Variants in CRIM1 observed in about 807,000 individuals in gnomAD.
CRIM1 encodes the protein cysteine-rich motor neuron 1 protein.
In CRIM1, 32 loss-of-function variants were observed where a neutral mutation model predicts 116.4. That is an observed-to-expected ratio of 0.27 (90% CI 0.21 to 0.37). The LOEUF (loss-of-function observed/expected upper bound fraction) is 0.37, where lower values mean the gene tolerates loss of function less well. Among genes scored for constraint, CRIM1 ranks in the 10% least tolerant of loss-of-function variants. The pLI is 1.00. For missense variants in CRIM1, 1,331 were observed against 1,354.8 expected, an observed-to-expected ratio of 0.98 and a Z score of 0.28; for synonymous variants, 590 against 509.2, an observed-to-expected ratio of 1.16 and a Z score of -2.13.
At chr2:36,465,049 T>A (rs1677892091) in intron 5 of CRIM1, among the ~76,000 whole-genome samples, 1 of 152,182 alleles carries the variant, frequency 6.6e-6, no homozygotes, top group Admixed American at 6.5e-5. Flanking sequence ...CTGCCACACT[T>A]GGGAACAAGA....
intron 7 of CRIM1, among the ~76,000 whole-genome samples, chr2:36,480,893 GA>G (rs971031994): frequency 2.0e-5 from 3 of 150,914 alleles, no homozygotes; most frequent in Non-Finnish European, 3.0e-5. Context: ...TTTCAGTGCT[GA>G]AAAAAAAAGA....
intron 1 of CRIM1, among the ~76,000 whole-genome samples, chr2:36,363,416 TCA>T (rs1669362751): frequency 6.6e-6 from 1 of 151,900 alleles, no homozygotes; most frequent in African/African-American, 2.4e-5. Flanking sequence ...TTACTTGGGC[TCA>T]GTCTCTTGTT....
At chr2:36,522,990 T>A (rs1334775881) in intron 13 of CRIM1, among the ~76,000 whole-genome samples, 1 of 148,818 alleles carries the variant, frequency 6.7e-6, no homozygotes, top group Non-Finnish European at 1.5e-5. Context: ...ATTCTCACTC[T>A]GTCACCCAGG....
chr2:36,471,808 C>T (rs982184028), intron 5 of CRIM1, among the ~76,000 whole-genome samples: 13 of 151,958 alleles, frequency 8.6e-5, no homozygotes, highest in African/African-American at 2.9e-4. Flanking sequence ...CATCCTAGGC[C>T]TCATGTGGCC....
chr2:36,469,888 C>T (rs1034609472), intron 5 of CRIM1, among the ~76,000 whole-genome samples: 3 of 152,100 alleles, frequency 2.0e-5, no homozygotes, highest in African/African-American at 7.2e-5. Flanking sequence ...AAGGGTTGTT[C>T]TCTTCCCCTT....
intron 2 of CRIM1, among the ~76,000 whole-genome samples, chr2:36,404,920 G>A (rs1672674321): frequency 6.6e-6 from 1 of 151,980 alleles, no homozygotes; most frequent in South Asian, 2.1e-4. Flanking sequence ...TCCATTTTTA[G>A]TTTTTTACAT....
At chr2:36,446,728 A>G (rs1676269814) in intron 4 of CRIM1, among the ~76,000 whole-genome samples, 1 of 152,006 alleles carries the variant, frequency 6.6e-6, no homozygotes, top group Non-Finnish European at 1.5e-5. Context: ...GATATGAGTT[A>G]TATGGCAGTG....
intron 7 of CRIM1, among the ~76,000 whole-genome samples, chr2:36,481,912 G>A (rs758864110): frequency 2.0e-5 from 3 of 152,162 alleles, no homozygotes; most frequent in Admixed American, 6.5e-5. Context: ...GGCAGTCAGC[G>A]GAGGCAAGGG....
At chr2:36,365,337 G>T (rs1669519166) in intron 1 of CRIM1, among the ~76,000 whole-genome samples, 1 of 152,170 alleles carries the variant, frequency 6.6e-6, no homozygotes, top group Non-Finnish European at 1.5e-5. Context: ...TCCTTTTATT[G>T]TTAGAACTTT....
chr2:36,441,485 T>G lies in CRIM1; in HGVS notation c.733T>G (p.Tyr245Asp), dbSNP rs201740264. The change falls in exon 3 of 17, where the codon TAT becomes GAT. Residue 245 changes from tyrosine to aspartate, a missense_variant. By Grantham distance (160) the Tyr-to-Asp change is radical. Coordinates refer to ENST00000280527, the MANE Select transcript of CRIM1 (RefSeq NM_016441.3). ...SGKPGECCDL[Y>D]ECKPVFGVDC... ...GAAGCCGGGAGAGTGCTGTGACCTC[T>G]ATGAGTGCAAACCAGGTATGCACGA... 1 of 1,611,296 alleles carries G rather than the reference T, an allele frequency of 6.2e-7. No homozygotes were observed. The highest frequency in any genetic ancestry group is 8.5e-7 in the Non-Finnish European group (1 of 1,180,004).
At chr2:36,505,272 C>G (rs142633225) in intron 8 of CRIM1, among the ~76,000 whole-genome samples, 31 of 152,284 alleles carry the variant, frequency 2.0e-4, no homozygotes, top group African/African-American at 7.0e-4. Flanking sequence ...CACTTAACAT[C>G]CTCTGTAGAT....
chr2:36,510,786 G>C (rs1167438433), intron 9 of CRIM1, among the ~76,000 whole-genome samples: 1 of 152,070 alleles, frequency 6.6e-6, no homozygotes, highest in Non-Finnish European at 1.5e-5. Context: ...GTCTGTATAA[G>C]CACCTATATT....
At chr2:36,412,751 T>G (rs1053061578) in intron 2 of CRIM1, among the ~76,000 whole-genome samples, 31 of 152,222 alleles carry the variant, frequency 2.0e-4, no homozygotes, top group African/African-American at 7.2e-4. Flanking sequence ...ATCTTAAATT[T>G]GGTATACAAA....
chr2:36,386,275 G>A (rs1185016550), intron 1 of CRIM1, among the ~76,000 whole-genome samples: 1 of 152,188 alleles, frequency 6.6e-6, no homozygotes. Context: ...GTGGCAGGAA[G>A]GGAGATTAAA....
At chr2:36,532,089 A>C (rs1170528637) in intron 13 of CRIM1, 3 of 423,158 alleles carry the variant, frequency 7.1e-6, no homozygotes, top group Non-Finnish European at 1.4e-5. Flanking sequence ...GCTGAGAAAA[A>C]TAAGTAGCGA....
rs138252009 is a variant in CRIM1 at position 36,441,285 on chromosome 2, G to A, written c.533G>A (p.Arg178His). The change falls in exon 3 of 17, where the codon CGC becomes CAC. Residue 178 changes from arginine to histidine, a missense_variant. This residue lies in a region of CRIM1 where 690 missense variants were observed against 676.0 expected (regional missense o/e 1.02). Coordinates refer to ENST00000280527, the MANE Select transcript of CRIM1 (RefSeq NM_016441.3). ...GAGAAGCCAGATTGCTCCAAGGCCCGCTGTGAAGTCCAGTTCTCTCCACGT... is the reference window on the plus strand; with the variant it reads ...GAGAAGCCAGATTGCTCCAAGGCCCACTGTGAAGTCCAGTTCTCTCCACGT... The part of the protein sequence containing the change: ...EEEKPDCSKA[R>H]CEVQFSPRCP... 7.4e-6 allele frequency: 12 copies of A among 1,614,058 alleles called. No individual in the cohort carries two copies. Among genetic ancestry groups the A allele is most frequent in the Admixed American group, 3.3e-5 (2 of 60,010 alleles).
Position 36,475,665 on chromosome 2 carries a change from G to A in CRIM1, c.992-1224G>A, listed in dbSNP as rs115913200. On this transcript the variant is annotated intron_variant, in intron 5 of 16. Coordinates refer to ENST00000280527, the MANE Select transcript of CRIM1 (RefSeq NM_016441.3). The stretch of plus-strand genomic sequence containing the variant: ...CCTCATTGTCTTGTTCCTGATCTTA[G>A]GGGGAAAGCACTTGGACTTTTGCCA... Among the ~76,000 whole-genome samples, 602 of 152,286 alleles carry A rather than the reference G, an allele frequency of 4.0e-3. 4 individuals are homozygous for A. The highest frequency in any genetic ancestry group is 6.0e-3 in the Non-Finnish European group (408 of 68,002).
At chr2:36,548,429 G>C in intron 16 of CRIM1, 96 bp from the exon 17 acceptor site, 1 of 850,704 alleles carries the variant, frequency 1.2e-6, no homozygotes, top group Non-Finnish European at 1.8e-6. Context: ...TTGTGAAACT[G>C]TTATCTCACC....
At chr2:36,363,896 G>A (rs1410230592) in intron 1 of CRIM1, among the ~76,000 whole-genome samples, 1 of 152,148 alleles carries the variant, frequency 6.6e-6, no homozygotes, top group Non-Finnish European at 1.5e-5. Flanking sequence ...TATAAACTAG[G>A]CAAAACCAGA....
Sources: allele counts gnomAD v4.1 joint callset (sites outside exome capture counted in the v4.1 genomes callset), GRCh38; gene constraint gnomAD v4.1.1; regional missense constraint gnomAD v4.1.1; transcripts MANE v1.5; gene names NCBI Gene and HGNC (gene_info 2026-07-23, HGNC 2026-07-21).